HNRNPL: variants seen among roughly 807,000 people sequenced by gnomAD.
HNRNPL encodes the protein epididymis secretory sperm binding protein.
HNRNPL carries 12 observed loss-of-function variants against 64.0 expected under a neutral mutation model. The observed-to-expected ratio is 0.19, with a 90% CI of 0.12 to 0.30. The LOEUF (loss-of-function observed/expected upper bound fraction) is 0.30. Ranked by LOEUF, HNRNPL falls within the 10% of genes least tolerant of loss-of-function variation. HNRNPL has a pLI of 1.00. For missense variants in HNRNPL, 484 were observed against 797.4 expected (o/e 0.61, Z 4.73); for synonymous variants, 385 against 313.0 (o/e 1.23, Z -2.43).
intron 4 of HNRNPL, 138 bp from the exon 5 acceptor site, chr19:38,844,242 C>T (rs1224468165): frequency 3.1e-6 from 2 of 636,260 alleles, no homozygotes; most frequent in South Asian, 1.8e-5. Flanking sequence ...CACTGCCCAG[C>T]CACTAGCCTC....
At chr19:38,851,000 AC>A (rs1290463543), upstream of HNRNPL, 1 of 152,302 alleles carries the variant, frequency 6.6e-6, no homozygotes, top group African/African-American at 2.4e-5. Flanking sequence ...ATCTAAATTA[AC>A]AGGTCCCTGC....
rs781275659 is a variant in HNRNPL, at chr19:38,838,927, T to C, written c.1322A>G (p.Asn441Ser). ...AVDRAITHLN[N>S]NFMFGQKLNV... ...CAGCTTCTGCCCAAACATGAAGTTGTTGTTGAGGTGGGTAATGGCCCGGTC... is the reference window on the plus strand; with the variant it reads ...CAGCTTCTGCCCAAACATGAAGTTGCTGTTGAGGTGGGTAATGGCCCGGTC... The change falls in exon 9 of 13, where the codon AAC becomes AGC. Residue 441 changes from asparagine to serine, a missense_variant. By Grantham distance (46) the Asn-to-Ser change is conservative (BLOSUM62 1). Around this residue, in one of 9 missense-constraint regions of HNRNPL, gnomAD observed 53 missense variants for 131.3 expected, o/e 0.40. Coordinates refer to ENST00000221419, the MANE Select transcript of HNRNPL (RefSeq NM_001533.3). 3 of 1,614,148 alleles carry C rather than the reference T, an allele frequency of 1.9e-6. No individual in the cohort carries two copies. Among genetic ancestry groups the C allele is most frequent in the Admixed American group, 1.7e-5 (1 of 60,018 alleles).
chr19:38,850,959 G>A (rs1972489293), upstream of HNRNPL: 1 of 152,230 alleles, frequency 6.6e-6, no homozygotes, highest in Admixed American at 6.5e-5. Context: ...CCTCCTGCAG[G>A]AGCTAAGGGC....
rs1327500082 is a variant in HNRNPL at position 38,843,112 on chromosome 19, C to T, written c.880+730G>A. ...CTCAGGGCCTGTGCGATGTCAGCAT[C>T]GAGCCTCCTCCCTCAGCCCATGGCC... On this transcript the variant is annotated intron_variant, in intron 6 of 12. Transcript: ENST00000221419. 3.3e-5 allele frequency among the ~76,000 whole-genome samples: 5 copies of T among 152,086 alleles called. No individual in the cohort carries two copies. In the East Asian group the frequency reaches 7.7e-4, roughly 24 times the overall value.
chr19:38,837,291 C>A (rs1248451550), intron 12 of HNRNPL, 93 bp downstream of exon 12: 2 of 958,826 alleles, frequency 2.1e-6, no homozygotes, highest in Non-Finnish European at 3.4e-6. Context: ...ATCCCGGGGT[C>A]CTATCTCAAG....
At chr19:38,848,545 G>C (rs1311560575) in intron 1 of HNRNPL, among the ~76,000 whole-genome samples, 2 of 152,194 alleles carry the variant, frequency 1.3e-5, no homozygotes, top group African/African-American at 4.8e-5. Flanking sequence ...CTCTGGGGCC[G>C]GCCCCCTGTC....
intron 6 of HNRNPL, chr19:38,843,610 G>A (rs1972186475): frequency 5.5e-6 from 3 of 548,792 alleles, no homozygotes; most frequent in Non-Finnish European, 9.7e-6. Context: ...CCAGGCTTCT[G>A]CCTTGCCTCT....
At chr19:38,839,395 C>T (rs917908763) in intron 8 of HNRNPL, 41 of 209,298 alleles carry the variant, frequency 2.0e-4, no homozygotes, top group African/African-American at 9.5e-4. Context: ...TACAACAGAG[C>T]AGTGCCGGCT....
rs1972104825 is a variant in HNRNPL, at chr19:38,841,158, A to G, written c.881-599T>C. 1.7e-5 allele frequency: 4 copies of G among 240,760 alleles called. No homozygotes were observed. The South Asian group carries it at 1.9e-4, about 12-fold the overall frequency. 14.9% of individuals were successfully genotyped at this position (240,760 alleles called of 1,614,324 possible). ...AATCAGTTCAAATAAGCAATCATGT[A>G]CAAGGCATCGACATTCCCACACCCA... On this transcript the variant is annotated intron_variant, in intron 6 of 12. Coordinates refer to ENST00000221419, the MANE Select transcript of HNRNPL (RefSeq NM_001533.3).
chr19:38,840,905 C>T (rs912421276), intron 6 of HNRNPL: 4 of 300,990 alleles, frequency 1.3e-5, no homozygotes, highest in Non-Finnish European at 2.5e-5. Context: ...TATATTATGG[C>T]GGGCCAAAAG....
At chr19:38,839,088 G>A (rs1972024824) in intron 8 of HNRNPL, 73 bp from the exon 9 acceptor site, 1 of 1,585,194 alleles carries the variant, frequency 6.3e-7, no homozygotes, top group African/African-American at 1.3e-5. Flanking sequence ...TCCCAAGTTA[G>A]TGATAATAAC....
At chr19:38,842,082 AT>A (rs60759033) in intron 6 of HNRNPL, 13 of 128,446 alleles carry the variant, frequency 1.0e-4, no homozygotes, top group South Asian at 9.4e-4. Flanking sequence ...GGTTTTTTTG[AT>A]TTTTTTTTTG....
intron 12 of HNRNPL, chr19:38,836,988 C>T: frequency 1.8e-6 from 1 of 556,602 alleles, no homozygotes; most frequent in East Asian, 3.0e-5. Context: ...TAGAGAATCC[C>T]ATTCCTATCT....
intron 3 of HNRNPL, 58 bp downstream of exon 3, chr19:38,845,795 A>G (rs1600064594): frequency 6.3e-7 from 1 of 1,593,986 alleles, no homozygotes; most frequent in South Asian, 1.1e-5. Flanking sequence ...GGCTTGGGGG[A>G]GGGAATAAGG....
intron 6 of HNRNPL, chr19:38,841,473 G>A (rs1972116580): frequency 7.1e-6 from 3 of 423,064 alleles, no homozygotes; most frequent in Admixed American, 2.5e-5. Flanking sequence ...AAAACCCAGG[G>A]CTCGAAACCA....
chr19:38,846,625 T>A (rs572433966), intron 2 of HNRNPL, among the ~76,000 whole-genome samples: 5 of 151,968 alleles, frequency 3.3e-5, no homozygotes. Context: ...ATATAAAAAT[T>A]AGGCCGGGCG....
At chr19:38,844,945 G>A (rs1268204784) in intron 4 of HNRNPL, 2 of 151,962 alleles carry the variant, frequency 1.3e-5, no homozygotes, top group Non-Finnish European at 2.9e-5. Context: ...CTGACCTCAG[G>A]TATCTGTCCA....
chr19:38,837,734 C>G (rs1971976880), intron 10 of HNRNPL, 83 bp from the exon 11 acceptor site: 1 of 1,197,032 alleles, frequency 8.4e-7, no homozygotes, highest in Non-Finnish European at 1.2e-6. Flanking sequence ...CCCTGCATGA[C>G]TCAGTACTTG....
At position 38,843,865 on chromosome 19, in the gene HNRNPL, G is replaced by A. The variant is rs1340436606; in HGVS notation, c.857C>T (p.Thr286Ile). The change falls in exon 6 of 13, where the codon ACA becomes ATA. Residue 286 changes from threonine (T) to isoleucine (I), a missense_variant. Physicochemically the swap from Thr to Ile is moderately conservative, Grantham distance 89. Around this residue, in one of 9 missense-constraint regions of HNRNPL, gnomAD observed 60 missense variants for 192.2 expected, o/e 0.31. Coordinates refer to ENST00000221419, the MANE Select transcript of HNRNPL (RefSeq NM_001533.3). ...FKNDQDTWDYTNPNLSGQGDP... is the reference protein window; with the variant it reads ...FKNDQDTWDYINPNLSGQGDP... ...ACCTTGTCCACTGAGATTGGGGTTT[G>A]TGTAGTCCCAAGTATCCTGATCATT... The A allele has an allele frequency of 6.2e-7, 1 of 1,614,052 alleles. No individual in the cohort carries two copies.
Sources: allele counts gnomAD v4.1 joint callset (sites outside exome capture counted in the v4.1 genomes callset), GRCh38; gene constraint gnomAD v4.1.1; regional missense constraint gnomAD v4.1.1; transcripts MANE v1.5; gene names NCBI Gene and HGNC (gene_info 2026-07-23, HGNC 2026-07-21).